Variants in LARS2 observed in about 807,000 individuals in gnomAD.
LARS2 encodes the protein leucyl-tRNA synthetase 2, mitochondrial.
LARS2 carries 81 observed loss-of-function variants against 116.6 expected under a neutral mutation model. That is an observed-to-expected ratio of 0.69 (90% CI 0.58 to 0.84). The LOEUF is 0.84. LARS2 is among the 40% of genes least tolerant of loss of function. LARS2 has a pLI of 0.00. For synonymous variants in LARS2, 396 were observed against 407.2 expected (o/e 0.97, Z 0.33); for missense variants, 968 against 1,114.5 (o/e 0.87, Z 1.87).
At chr3:45,396,679 C>T (rs575668424) in intron 3 of LARS2, among the ~76,000 whole-genome samples, 23 of 152,310 alleles carry the variant, frequency 1.5e-4, no homozygotes, top group South Asian at 1.2e-3. Context: ...ATGTGCCAGG[C>T]ACTGTCTTTC....
At chr3:45,389,635 T>C (rs902543483) in intron 1 of LARS2, among the ~76,000 whole-genome samples, 2 of 152,264 alleles carry the variant, frequency 1.3e-5, no homozygotes, top group African/African-American at 4.8e-5. Context: ...ATTGATTCTT[T>C]GGAAGGTTGT....
chr3:45,441,554 A>G (rs1698912468), intron 6 of LARS2, among the ~76,000 whole-genome samples: 1 of 152,228 alleles, frequency 6.6e-6, no homozygotes, highest in Non-Finnish European at 1.5e-5. Context: ...ATACTCTCCC[A>G]GGCTCTTTCC....
At chr3:45,500,608 A>G (rs757901476) in intron 15 of LARS2, 29 bp downstream of exon 15, 6 of 1,495,970 alleles carry the variant, frequency 4.0e-6, no homozygotes, top group Non-Finnish European at 5.3e-6. Context: ...TTGCAAAATA[A>G]TTGAGTTCCA....
At chr3:45,521,813 C>T (rs553469003) in intron 19 of LARS2, among the ~76,000 whole-genome samples, 5 of 151,896 alleles carry the variant, frequency 3.3e-5, no homozygotes, top group Admixed American at 6.6e-5. Context: ...AATACTTTAA[C>T]GTAACTATTC....
chr3:45,542,241 G>T (rs1211531741), intron 21 of LARS2, among the ~76,000 whole-genome samples: 1 of 152,136 alleles, frequency 6.6e-6, no homozygotes, highest in South Asian at 2.1e-4. Flanking sequence ...ACAGGTTCTC[G>T]TTATCTTCCT....
At chr3:45,535,767 CCCCCACACCCACAT>C (rs1700696098) in intron 20 of LARS2, among the ~76,000 whole-genome samples, 2 of 17,080 alleles carry the variant, frequency 1.2e-4, no homozygotes, top group African/African-American at 1.9e-4. Flanking sequence ...CACACACACA[CCCCCACACCCACAT>C]ACACACACAT....
chr3:45,446,463 T>C (rs768274754), intron 6 of LARS2, among the ~76,000 whole-genome samples: 1 of 152,268 alleles, frequency 6.6e-6, no homozygotes, highest in Non-Finnish European at 1.5e-5. Context: ...TATTTTCAAA[T>C]GAGGATCATA....
chr3:45,442,234 C>T (rs1379581099), intron 6 of LARS2, among the ~76,000 whole-genome samples: 2 of 152,108 alleles, frequency 1.3e-5, no homozygotes, highest in Non-Finnish European at 1.5e-5. Flanking sequence ...ACAAGCTATC[C>T]CACAGCTTGT....
At chr3:45,540,952 A>AT (rs1052417250) in intron 20 of LARS2, among the ~76,000 whole-genome samples, 17 of 148,182 alleles carry the variant, frequency 1.1e-4, no homozygotes, top group South Asian at 8.6e-4. Flanking sequence ...TGTCCGGCTA[A>AT]TTTTTTTTTT....
intron 6 of LARS2, among the ~76,000 whole-genome samples, chr3:45,434,810 T>C (rs1303650247): frequency 1.3e-5 from 2 of 152,184 alleles, no homozygotes; most frequent in Non-Finnish European, 2.9e-5. Flanking sequence ...TCATCACTTA[T>C]ACCTGAGGGG....
intron 11 of LARS2, among the ~76,000 whole-genome samples, chr3:45,486,196 A>G (rs554311004): frequency 1.3e-5 from 2 of 152,268 alleles, no homozygotes; most frequent in South Asian, 4.1e-4. Context: ...ACCAACAGCA[A>G]CTGCTGGGAC....
rs1486767123 is a variant in LARS2 at position 45,461,331 on chromosome 3, GC to G, written c.750+2446del. On this transcript the variant is annotated intron_variant, in intron 8 of 21. Coordinates refer to ENST00000645846, the MANE Select transcript of LARS2 (RefSeq NM_015340.4). Reference sequence around the variant, plus strand: ...TAGGTAGACATGAAACTTCAGGGAAGCTCCCCCCTCACACACCTATGTAGTG... The same window carrying G: ...TAGGTAGACATGAAACTTCAGGGAAGTCCCCCCTCACACACCTATGTAGTG... 3.3e-5 allele frequency among the ~76,000 whole-genome samples: 5 copies of G among 152,020 alleles called. No individual in the cohort carries two copies. The East Asian group carries it at 9.7e-4, about 29-fold the overall frequency.
rs35323496 is a variant in LARS2 at position 45,428,239 on chromosome 3, G to GTTTTTT, written c.516+8527_516+8532dup. 1.4e-3 allele frequency among the ~76,000 whole-genome samples: 118 copies of GTTTTTT among 84,194 alleles called. 3 individuals are homozygous for GTTTTTT. Among genetic ancestry groups the GTTTTTT allele is most frequent in the African/African-American group, 1.8e-3 (35 of 19,946 alleles). 55.2% of individuals were successfully genotyped at this position (84,194 alleles called of 152,430 possible). On this transcript the variant is annotated intron_variant, in intron 6 of 21. Coordinates refer to ENST00000645846, the MANE Select transcript of LARS2 (RefSeq NM_015340.4). ...TAACAAAAATGTACTATCTTAACCT[G>GTTTTTT]TTTTTTTTTTTTTTTTTTTTTTGAG...
chr3:45,487,231 T>G (rs753636065), intron 11 of LARS2, among the ~76,000 whole-genome samples: 36 of 152,230 alleles, frequency 2.4e-4, no homozygotes, highest in Non-Finnish European at 3.8e-4. Context: ...AAATGACTAT[T>G]TTCCTTTCTT....
chr3:45,506,704 C>G (rs553811032), intron 15 of LARS2, among the ~76,000 whole-genome samples: 1 of 152,086 alleles, frequency 6.6e-6, no homozygotes, highest in Non-Finnish European at 1.5e-5. Context: ...GGACAAGAAG[C>G]TGAACTCCTT....
At chr3:45,499,121 C>T (rs1261362616) in intron 14 of LARS2, among the ~76,000 whole-genome samples, 3 of 151,892 alleles carry the variant, frequency 2.0e-5, no homozygotes, top group Admixed American at 2.0e-4. Context: ...GTAGCAAGAC[C>T]TCGTCTCCAT....
chr3:45,534,740 GC>G, intron 20 of LARS2, among the ~76,000 whole-genome samples: 1 of 152,198 alleles, frequency 6.6e-6, no homozygotes, highest in Non-Finnish European at 1.5e-5. Context: ...TTTTAGAGAC[GC>G]CGAAAGTACT....
intron 14 of LARS2, among the ~76,000 whole-genome samples, chr3:45,500,212 G>A (rs1013587960): frequency 1.8e-4 from 27 of 152,312 alleles, no homozygotes; most frequent in African/African-American, 6.3e-4. Flanking sequence ...ATGTTGGGCA[G>A]GCTGGTCTCG....
chr3:45,407,984 A>G (rs1301129570), intron 4 of LARS2, among the ~76,000 whole-genome samples: 2 of 152,250 alleles, frequency 1.3e-5, no homozygotes, highest in Non-Finnish European at 2.9e-5. Flanking sequence ...AAAATTGTAC[A>G]TGAATTCCCA....
Sources: allele counts gnomAD v4.1 joint callset (sites outside exome capture counted in the v4.1 genomes callset), GRCh38; gene constraint gnomAD v4.1.1; transcripts MANE v1.5; gene names NCBI Gene and HGNC (gene_info 2026-07-23, HGNC 2026-07-21).